JARID2: variants seen among roughly 807,000 people sequenced by gnomAD.
JARID2 encodes jumonji and AT-rich interaction domain containing 2, also known as protein Jumonji.
Under a neutral mutation model 125.6 loss-of-function variants are expected in JARID2, and 21 were observed. That is an observed-to-expected ratio of 0.17 (90% CI 0.12 to 0.24). JARID2 has a LOEUF of 0.24. Among genes scored for constraint, JARID2 ranks in the 10% least tolerant of loss-of-function variants. JARID2 has a pLI of 1.00. For synonymous variants in JARID2, 736 were observed against 661.6 expected (o/e 1.11, Z -1.73); for missense variants, 1,303 against 1,639.6 (o/e 0.79, Z 3.55).
intron 6 of JARID2, among the ~76,000 whole-genome samples, chr6:15,495,041 C>G (rs1383021564): frequency 1.3e-5 from 2 of 152,200 alleles, no homozygotes; most frequent in Non-Finnish European, 2.9e-5. Context: ...CCTGAAGTCC[C>G]TGACTTTAAC....
rs189155717 is a variant in JARID2 at position 15,415,355 on chromosome 6, C to T, written c.323+4990C>T. Among the ~76,000 whole-genome samples the T allele has an allele frequency of 3.0e-3, 460 of 152,214 alleles. 4 individuals are homozygous for T. The highest frequency in any genetic ancestry group is 0.01 in the African/African-American group (427 of 41,552). On this transcript the variant is annotated intron_variant, in intron 3 of 17. Coordinates refer to ENST00000341776, the MANE Select transcript of JARID2 (RefSeq NM_004973.4). ...TACACCTCCCAGACGGGGCGGTGGC[C>T]GGGCAGAGGGGCTCCTCACTTCCCT...
At chr6:15,247,710 A>G (rs1037262853) in intron 1 of JARID2, 1 of 985,262 alleles carries the variant, frequency 1.0e-6, no homozygotes, top group African/African-American at 1.7e-5. Context: ...AATATATTTA[A>G]TGGAAAAGCT....
chr6:15,298,693 A>G (rs1170474160), intron 1 of JARID2, among the ~76,000 whole-genome samples: 3 of 151,744 alleles, frequency 2.0e-5, no homozygotes, highest in Admixed American at 2.0e-4. Context: ...AAAAAAAAAA[A>G]AGAAAAAATT....
chr6:15,305,443 G>A (rs1463561953), intron 1 of JARID2, among the ~76,000 whole-genome samples: 19 of 152,094 alleles, frequency 1.2e-4, no homozygotes, highest in Admixed American at 9.8e-4. Flanking sequence ...TCCAGTTTTC[G>A]CCACGCTAAA....
At chr6:15,328,346 T>C (rs1344433466) in intron 1 of JARID2, among the ~76,000 whole-genome samples, 4 of 152,216 alleles carry the variant, frequency 2.6e-5, no homozygotes, top group Non-Finnish European at 5.9e-5. Context: ...GGCAGGATGA[T>C]ATGCTTTACA....
At chr6:15,444,103 T>C (rs1323804538) in intron 3 of JARID2, among the ~76,000 whole-genome samples, 1 of 152,220 alleles carries the variant, frequency 6.6e-6, no homozygotes, top group African/African-American at 2.4e-5. Context: ...AATGAGGCTG[T>C]GGACCACTAG....
intron 4 of JARID2, among the ~76,000 whole-genome samples, chr6:15,453,804 G>A (rs2127644491): frequency 6.6e-6 from 1 of 152,072 alleles, no homozygotes; most frequent in African/African-American, 2.4e-5. Context: ...CTTGCTTCTG[G>A]CACAACAAAA....
intron 1 of JARID2, among the ~76,000 whole-genome samples, chr6:15,281,688 T>C (rs1160139942): frequency 6.6e-6 from 1 of 152,248 alleles, no homozygotes; most frequent in Non-Finnish European, 1.5e-5. Context: ...TTCCATGCCA[T>C]TCTATTTCAT....
intron 1 of JARID2, among the ~76,000 whole-genome samples, chr6:15,335,479 T>C (rs1218164516): frequency 2.6e-5 from 4 of 152,226 alleles, no homozygotes; most frequent in African/African-American, 7.2e-5. Context: ...CCTATAGTGC[T>C]GTTTAGAACT....
intron 1 of JARID2, among the ~76,000 whole-genome samples, chr6:15,308,607 G>T (rs574897353): frequency 1.3e-5 from 2 of 152,112 alleles, no homozygotes; most frequent in African/African-American, 2.4e-5. Flanking sequence ...TAAAAACAAC[G>T]AGATTAGGTA....
chr6:15,520,247 C>G lies in JARID2; in HGVS notation c.3737C>G (p.Ser1246Ter), dbSNP rs775117564. The G allele has an allele frequency of 2.5e-6, 4 of 1,592,476 alleles. No homozygotes were observed. Among genetic ancestry groups the G allele is most frequent in the Non-Finnish European group, 2.6e-6 (3 of 1,170,972 alleles). ...TCATCCAAAAGTGCTTCGAGCTCAT[C>G]ATGAAGATGCCAACGCCCGTGGTCG... Reference protein sequence around the residue: ...SSSSKSASSSS With the variant: ...SSSSKSASSS Residue 1246 changes from serine (S) to a stop codon, truncating the protein, a stop_gained, in exon 18 of 18, where the codon TCA becomes TGA. Transcript: ENST00000341776. LOFTEE classifies it high-confidence loss of function.
chr6:15,368,284 A>T (rs1764046218), intron 1 of JARID2, among the ~76,000 whole-genome samples: 1 of 152,186 alleles, frequency 6.6e-6, no homozygotes, highest in Non-Finnish European at 1.5e-5. Context: ...AGAGCATCAC[A>T]GGAAAATAAA....
chr6:15,392,428 CCTT>C (rs1205613932), intron 2 of JARID2, among the ~76,000 whole-genome samples: 7 of 152,110 alleles, frequency 4.6e-5, no homozygotes, highest in African/African-American at 1.4e-4. Flanking sequence ...AAAGGATTCA[CCTT>C]CTGTCCGACT....
At chr6:15,301,527 C>T (rs1761624167) in intron 1 of JARID2, among the ~76,000 whole-genome samples, 1 of 152,104 alleles carries the variant, frequency 6.6e-6, no homozygotes, top group Non-Finnish European at 1.5e-5. Flanking sequence ...TGGATGATTG[C>T]AGTCCATTTT....
At chr6:15,404,497 A>G (rs2127560129) in intron 2 of JARID2, among the ~76,000 whole-genome samples, 1 of 149,828 alleles carries the variant, frequency 6.7e-6, no homozygotes, top group African/African-American at 2.5e-5. Context: ...CTGCTTTTAT[A>G]ATTTTTCTAT....
Position 15,246,272 on chromosome 6 carries a change from C to A in JARID2, c.-268C>A. The A allele has an allele frequency of 7.2e-5, 36 of 501,406 alleles. No individual in the cohort carries two copies. The highest frequency in any genetic ancestry group is 5.3e-4 in the Middle Eastern group (1 of 1,900). 31.1% of individuals were successfully genotyped at this position (501,406 alleles called of 1,614,324 possible). A position where few individuals can be genotyped will look rare whatever the true frequency, so the allele number is the denominator to read the frequency against. ...TTTTTGTGTGTGTGTGTATGTGTTT[C>A]GGGGGAAATTTTCCATTATGAGTGT... is the stretch of plus-strand genomic sequence containing the variant. On this transcript the variant is annotated 5_prime_UTR_variant, in exon 1 of 18. Coordinates refer to ENST00000341776, the MANE Select transcript of JARID2 (RefSeq NM_004973.4).
rs369413383 is a variant in JARID2 at position 15,520,311 on chromosome 6, T to C, written c.*60T>C. The C allele has an allele frequency of 7.7e-7, 1 of 1,292,740 alleles. No individual in the cohort carries two copies. Among genetic ancestry groups the C allele is most frequent in the African/African-American group, 1.5e-5 (1 of 65,234 alleles). 80.1% of individuals were successfully genotyped at this position (1,292,740 alleles called of 1,614,324 possible). ...TTTTTGTAATTATTATATTCTAGTT[T>C]GGAGTACTTGCTGTAGGATTCAAGC... On this transcript the variant is annotated 3_prime_UTR_variant, in exon 18 of 18. Transcript: ENST00000341776.
chr6:15,410,517 T>C (rs1338666493), intron 3 of JARID2, 152 bp downstream of exon 3: 1 of 732,206 alleles, frequency 1.4e-6, no homozygotes, highest in African/African-American at 1.8e-5. Context: ...TCAAATGCCC[T>C]GCTTTCTAAG....
chr6:15,370,487 G>A (rs981812950), intron 1 of JARID2, among the ~76,000 whole-genome samples: 2 of 151,872 alleles, frequency 1.3e-5, no homozygotes, highest in African/African-American at 2.4e-5. Flanking sequence ...ACAGGCGCCC[G>A]CCACCACGCC....
Sources: gnomAD v4.1 joint callset for allele counts (sites outside exome capture counted in the v4.1 genomes callset) on GRCh38, gnomAD v4.1.1 for gene constraint, MANE v1.5 for transcripts, NCBI Gene and HGNC (gene_info 2026-07-23, HGNC 2026-07-21) for gene names.